Variants in ATP2A1 observed in about 807,000 individuals in gnomAD.
ATP2A1 encodes the protein ATPase sarcoplasmic/endoplasmic reticulum Ca2+ transporting 1.
ATP2A1 carries 83 observed loss-of-function variants against 109.5 expected under a neutral mutation model. The ratio of observed to expected loss-of-function variants is 0.76; its 90% CI spans 0.63 to 0.91. ATP2A1 has a LOEUF of 0.91. ATP2A1 is among the 40% of genes least tolerant of loss of function. The pLI, the probability that ATP2A1 is intolerant of heterozygous loss-of-function variation, is 0.00. For synonymous variants in ATP2A1, 505 were observed against 537.6 expected (o/e 0.94, Z 0.84); for missense variants, 1,101 against 1,341.0 (o/e 0.82, Z 2.80).
At chr16:28,894,774 G>T in intron 11 of ATP2A1, 48 bp from the exon 12 acceptor site, 1 of 1,609,284 alleles carries the variant, frequency 6.2e-7, no homozygotes, top group Non-Finnish European at 8.5e-7. Context: ...GGTATGACAG[G>T]TAGGAGCCTG....
chr16:28,887,679 C>CT lies in ATP2A1; in HGVS notation c.888dup (p.Lys297Ter), dbSNP rs759847914. ...CCTGGTTCCGCGGGGCCATCTACTACTTTAAGATTGCCGTGGCCTTGGCTG... is the reference window on the plus strand; with the variant it reads ...CCTGGTTCCGCGGGGCCATCTACTACTTTTAAGATTGCCGTGGCCTTGGCTG... On this transcript the variant is annotated frameshift_variant, in exon 8 of 23. Coordinates refer to ENST00000395503, the MANE Select transcript of ATP2A1 (RefSeq NM_004320.6). LOFTEE classifies it high-confidence loss of function. The CT allele has an allele frequency of 4.3e-6, 7 of 1,614,158 alleles. No individual in the cohort carries two copies. The highest frequency in any genetic ancestry group is 1.1e-5 in the South Asian group (1 of 91,088).
Position 28,901,836 on chromosome 16 carries a change from T to C in ATP2A1, c.2101-27T>C, listed in dbSNP as rs768827387. ...AAAGGAGGGATGTGTGAAGGTGCCC[T>C]AAGCCCACCTTCTCCTCCTCCCTCA... is the stretch of plus-strand genomic sequence containing the variant. On this transcript the variant is annotated intron_variant, in intron 15 of 22. Transcript: ENST00000395503. The C allele has an allele frequency of 5.6e-6, 9 of 1,601,656 alleles. No individual in the cohort carries two copies. In the Admixed American group the frequency reaches 6.8e-5, roughly 12 times the overall value.
rs1338462209 is a variant in ATP2A1, at chr16:28,883,454, C to T, written c.463+865C>T. Among the ~76,000 whole-genome samples the T allele has an allele frequency of 6.6e-6, 1 of 152,162 alleles. No individual in the cohort carries two copies. The highest frequency in any genetic ancestry group is 2.4e-5 in the African/African-American group (1 of 41,438). On this transcript the variant is annotated intron_variant, in intron 5 of 22. Coordinates refer to ENST00000395503, the MANE Select transcript of ATP2A1 (RefSeq NM_004320.6). The surrounding 1 kb of genome is among the most constrained non-coding windows in gnomAD (Gnocchi z 5.2). ...GGCTTGGGTGACAGGGTGTCCCGCC[C>T]GACTCTATCCCGACCTCCCTCCTCC...
intron 5 of ATP2A1, among the ~76,000 whole-genome samples, chr16:28,882,898 AC>A (rs920310919): frequency 6.6e-6 from 1 of 151,274 alleles, no homozygotes; most frequent in Non-Finnish European, 1.5e-5. Flanking sequence ...CCCCGTCTCC[AC>A]CCCCTCCCGG....
Position 28,903,586 on chromosome 16 carries a change from C to T in ATP2A1, c.2981-114C>T. On this transcript the variant is annotated intron_variant, in intron 21 of 22. Transcript: ENST00000395503. This position sits in a 1 kb window ranked among gnomAD's most constrained non-coding sequence, Gnocchi z 5.6. ...GTCCGCCCCGTTCCCCCTGCGCCTG[C>T]AGGGGCCACATCTCCGGGGCAGCCC... 8.4e-7 allele frequency: 1 copy of T among 1,194,466 alleles called. No individual in the cohort carries two copies. The highest frequency in any genetic ancestry group is 1.2e-5 in the South Asian group (1 of 82,638). The allele number at this position is 1,194,466 out of a possible 1,614,324, so 74.0% of individuals were successfully genotyped here. A position where few individuals can be genotyped will look rare whatever the true frequency, so the allele number is the denominator to read the frequency against.
intron 1 of ATP2A1, 65 bp from the exon 2 acceptor site, chr16:28,879,034 T>G: frequency 1.2e-6 from 2 of 1,606,808 alleles, no homozygotes; most frequent in African/African-American, 1.3e-5. Context: ...CACAAAGTCT[T>G]GGGTGTGGGG....
At chr16:28,892,220 C>T in intron 9 of ATP2A1, 2 of 195,550 alleles carry the variant, frequency 1.0e-5, no homozygotes, top group South Asian at 1.3e-4. Context: ...CTGTTGACAA[C>T]ATGCATAACT....
chr16:28,904,025 G>C (rs1046129219), intron 22 of ATP2A1, among the ~76,000 whole-genome samples, 155 bp from the exon 23 acceptor site: 7 of 151,838 alleles, frequency 4.6e-5, no homozygotes, highest in South Asian at 2.1e-4. Context: ...CAGTGGGGGG[G>C]GGCGGGGTGT....
intron 9 of ATP2A1, chr16:28,892,270 C>A: frequency 4.2e-6 from 1 of 236,704 alleles, no homozygotes; most frequent in Non-Finnish European, 9.1e-6. Flanking sequence ...ACAAGAAAAG[C>A]TGTCGTTTTT....
rs1429177035 is a variant in ATP2A1 at position 28,901,908 on chromosome 16, A to G, written c.2146A>G (p.Ile716Val). The G allele has an allele frequency of 1.2e-6, 2 of 1,614,240 alleles. No individual in the cohort carries two copies. The highest frequency in any genetic ancestry group is 1.7e-6 in the Non-Finnish European group (2 of 1,180,034). Reference sequence around the variant, plus strand: ...CGCCCCTGCCCTGAAGAAGGCTGAGATTGGCATTGCCATGGGATCTGGCAC... The same window carrying G: ...CGCCCCTGCCCTGAAGAAGGCTGAGGTTGGCATTGCCATGGGATCTGGCAC... The part of the protein sequence containing the change: ...NDAPALKKAE[I>V]GIAMGSGTAV... The change falls in exon 16 of 23, where the codon ATT (isoleucine) becomes GTT (valine). Residue 716 changes from isoleucine to valine, a missense_variant. Physicochemically the swap from Ile to Val is conservative, Grantham distance 29. Transcript: ENST00000395503.
chr16:28,901,175 CTT>C (rs1964063214), intron 15 of ATP2A1, among the ~76,000 whole-genome samples: 3 of 151,310 alleles, frequency 2.0e-5, no homozygotes, highest in African/African-American at 7.3e-5. Flanking sequence ...TAAAACAAAA[CTT>C]TAAAAATAAA....
chr16:28,884,548 C>T, intron 5 of ATP2A1, 27 bp from the exon 6 acceptor site: 2 of 1,582,702 alleles, frequency 1.3e-6, no homozygotes, highest in Non-Finnish European at 1.7e-6. Flanking sequence ...TCCCAAGTGA[C>T]CTCCCTCTTC....
chr16:28,894,338 A>ACTCTCCTCTTCCTCCCCGACCTTGTTCT, intron 10 of ATP2A1, 95 bp downstream of exon 10: 1 of 1,367,544 alleles, frequency 7.3e-7, no homozygotes, highest in Non-Finnish European at 1.0e-6. Context: ...CTCTCCTTTC[A>ACTCTCCTCTTCCTCCCCGACCTTGTTCT]CTCTCCTCTT....
Position 28,880,153 on chromosome 16 carries a change from G to A in ATP2A1, c.219+570G>A, listed in dbSNP as rs1596661057. ...CCCAGCCTGGCCTTAGCCCTTCCCC[G>A]CGCTCCCTAGGCACCCCCACCCCCG... On this transcript the variant is annotated intron_variant, in intron 3 of 22. Coordinates refer to ENST00000395503, the MANE Select transcript of ATP2A1 (RefSeq NM_004320.6). This position sits in a 1 kb window ranked among gnomAD's most constrained non-coding sequence, Gnocchi z 4.2. 2.0e-6 allele frequency: 2 copies of A among 991,604 alleles called. No homozygotes were observed. The highest frequency in any genetic ancestry group is 1.1e-4 in the East Asian group (1 of 8,888). The allele number at this position is 991,604 out of a possible 1,614,324, so 61.4% of individuals were successfully genotyped here.
intron 15 of ATP2A1, among the ~76,000 whole-genome samples, chr16:28,901,640 A>C (rs1409876466): frequency 6.6e-6 from 1 of 152,056 alleles, no homozygotes; most frequent in Admixed American, 6.6e-5. Context: ...CTCAAAAAAA[A>C]AAGTGTGCCG....
At position 28,888,801 on chromosome 16, in the gene ATP2A1, A is replaced by G; in HGVS notation, c.943A>G (p.Ile315Val). 1.2e-6 allele frequency: 2 copies of G among 1,606,368 alleles called. 1 individual carries two copies. Among genetic ancestry groups the G allele is most frequent in the Non-Finnish European group, 1.7e-6 (2 of 1,176,098 alleles). ...CCTCCCCACAGGTCTTCCTGCAGTCATCACCACCTGCCTGGCCCTGGGTAC... is the reference window on the plus strand; with the variant it reads ...CCTCCCCACAGGTCTTCCTGCAGTCGTCACCACCTGCCTGGCCCTGGGTAC... ...AAIPEGLPAV[I>V]TTCLALGTRR... Residue 315 changes from isoleucine to valine, a missense_variant, in exon 9 of 23, where the codon ATC becomes GTC. By Grantham distance (29) the Ile-to-Val change is conservative (BLOSUM62 3). Transcript: ENST00000395503.
At chr16:28,896,315 C>T (rs985892838) in intron 12 of ATP2A1, among the ~76,000 whole-genome samples, 1 of 152,130 alleles carries the variant, frequency 6.6e-6, no homozygotes, top group Non-Finnish European at 1.5e-5. Flanking sequence ...CAACCTCCGC[C>T]TCCTGGGTTC....
Position 28,903,419 on chromosome 16 carries a change from G to C in ATP2A1, c.2959G>C (p.Val987Leu), listed in dbSNP as rs200445830. ...TGGGCTCGACGAAATCCTCAAGTTC[G>C]TTGCTCGGAACTACCTAGAGGGTAA... ...VIGLDEILKF[V>L]ARNYLEG is the part of the protein sequence containing the mutation. Residue 987 changes from valine to leucine, a missense_variant, in exon 21 of 23, where the codon GTT (valine) becomes CTT (leucine). Coordinates refer to ENST00000395503, the MANE Select transcript of ATP2A1 (RefSeq NM_004320.6). This position sits in a 1 kb window ranked among gnomAD's most constrained non-coding sequence, Gnocchi z 5.6. The C allele has an allele frequency of 1.9e-5, 31 of 1,613,806 alleles. No homozygotes were observed. The East Asian group carries it at 6.2e-4, about 33-fold the overall frequency.
In ATP2A1 at chr16:28,898,229, C is replaced by T; in HGVS notation, c.1546-4C>T. Reference sequence around the variant, plus strand: ...GGTCTCTGAATGCTGTTCTGGTCTCCTAGGGTGCCCCTGAGGGCGTCATCG... The same window carrying T: ...GGTCTCTGAATGCTGTTCTGGTCTCTTAGGGTGCCCCTGAGGGCGTCATCG... On this transcript the variant is annotated splice_region_variant and splice_polypyrimidine_tract_variant and intron_variant, in intron 13 of 22. Transcript: ENST00000395503. This position sits in a 1 kb window ranked among gnomAD's most constrained non-coding sequence, Gnocchi z 4.0. 3 of 1,614,072 alleles carry T rather than the reference C, an allele frequency of 1.9e-6. No individual in the cohort carries two copies. Among genetic ancestry groups the T allele is most frequent in the Middle Eastern group, 1.6e-4 (1 of 6,062 alleles).
Sources: allele counts gnomAD v4.1 joint callset (sites outside exome capture counted in the v4.1 genomes callset), GRCh38; gene constraint gnomAD v4.1.1; non-coding constraint Gnocchi (gnomAD v3.1); transcripts MANE v1.5; gene names NCBI Gene and HGNC (gene_info 2026-07-23, HGNC 2026-07-21).